EDNRA: variants seen among roughly 807,000 people sequenced by gnomAD.
EDNRA encodes endothelin-1 receptor.
In EDNRA, 11 loss-of-function variants were observed where a neutral mutation model predicts 41.4. That is an observed-to-expected ratio of 0.27 (90% CI 0.17 to 0.44). The LOEUF is 0.44. Among genes scored for constraint, EDNRA ranks in the 20% least tolerant of loss-of-function variants. EDNRA has a pLI of 1.00. For missense variants in EDNRA, 294 were observed against 531.0 expected (o/e 0.55, Z 4.39); for synonymous variants, 172 against 183.0 (o/e 0.94, Z 0.49).
rs1728959233 is a variant in EDNRA at position 147,486,735 on chromosome 4, C to A, written c.420+634C>A. Among the ~76,000 whole-genome samples, 1 of 152,054 alleles carries A rather than the reference C, an allele frequency of 6.6e-6. No individual in the cohort carries two copies. The highest frequency in any genetic ancestry group is 1.5e-5 in the Non-Finnish European group (1 of 68,008). ...TAAAATTTGCCTGCTTTACTGTGGT[C>A]TCCTTCATTTCTTCAGTCTGCATTT... On this transcript the variant is annotated intron_variant, in intron 2 of 7. Coordinates refer to ENST00000651419, the MANE Select transcript of EDNRA (RefSeq NM_001957.4). The surrounding 1 kb of genome is among the most constrained non-coding windows in gnomAD (Gnocchi z 4.3).
intron 3 of EDNRA, among the ~76,000 whole-genome samples, chr4:147,530,923 C>T (rs527741555): frequency 4.6e-5 from 7 of 152,168 alleles, no homozygotes; most frequent in South Asian, 4.2e-4. Flanking sequence ...AACTATAAAA[C>T]GAAAATGTTT....
In EDNRA at chr4:147,482,902, G is replaced by A. The variant is rs1418972064; in HGVS notation, c.-71+1526G>A. Among the ~76,000 whole-genome samples, 4 of 152,334 alleles carry A rather than the reference G, an allele frequency of 2.6e-5. No homozygotes were observed. In the South Asian group the frequency reaches 6.2e-4, roughly 24 times the overall value. On this transcript the variant is annotated intron_variant, in intron 1 of 7. Transcript: ENST00000651419. ...TTCACAGGTCAGTTCCCAGCCGACT[G>A]TAACCGGCAGAGAGCCATTCCATTT...
chr4:147,524,762 G>C (rs1730471744), intron 3 of EDNRA, among the ~76,000 whole-genome samples: 1 of 152,100 alleles, frequency 6.6e-6, no homozygotes, highest in African/African-American at 2.4e-5. Context: ...TTCAGGACTT[G>C]TATGTAGGGA....
At chr4:147,490,864 T>C (rs1485263669) in intron 2 of EDNRA, 1 of 152,132 alleles carries the variant, frequency 6.6e-6, no homozygotes, top group Admixed American at 6.6e-5. Flanking sequence ...CACACAGACA[T>C]TTCCATATAT....
At chr4:147,524,991 T>G (rs1434145616) in intron 3 of EDNRA, among the ~76,000 whole-genome samples, 4 of 152,240 alleles carry the variant, frequency 2.6e-5, no homozygotes, top group Non-Finnish European at 5.9e-5. Context: ...TGTGAATCCC[T>G]GCTTTCATTT....
intron 3 of EDNRA, among the ~76,000 whole-genome samples, chr4:147,527,295 C>T (rs11936340): frequency 0.36 from 55,170 of 151,846 alleles, 12,455 homozygotes; most frequent in African/African-American, 0.64. Context: ...AGCTTATAGG[C>T]GTCTTATTCA....
chr4:147,533,116 T>C (rs926638550), intron 4 of EDNRA, among the ~76,000 whole-genome samples: 30 of 152,328 alleles, frequency 2.0e-4, no homozygotes, highest in Middle Eastern at 3.4e-3. Context: ...GTTTATCTTA[T>C]GTCACTTGGG....
At position 147,532,534 on chromosome 4, in the gene EDNRA, G is replaced by A; in HGVS notation, c.577G>A (p.Val193Ile). 1 of 1,613,994 alleles carries A rather than the reference G, an allele frequency of 6.2e-7. No homozygotes were observed. The highest frequency in any genetic ancestry group is 8.5e-7 in the Non-Finnish European group (1 of 1,180,000). The change falls in exon 4 of 8, where the codon GTT becomes ATT. Residue 193 changes from valine (V) to isoleucine (I), a missense_variant. Val to Ile is a conservative substitution (Grantham distance 29). Transcript: ENST00000651419. ...RYRAVASWSR[V>I]QGIGIPLVTA... ...CAGAGCAGTTGCCTCCTGGAGTCGT[G>A]TTCAGGGAATTGGGATTCCTTTGGT...
In EDNRA at chr4:147,505,022, TA is replaced by T. The variant is rs57879754; in HGVS notation, c.421-14821del. Reference sequence around the variant, plus strand: ...ACAGAGAATTCTCAAAACTCAATGGTAAAAAAAATGAATAATCCAAATAGAA... The same window carrying T: ...ACAGAGAATTCTCAAAACTCAATGGTAAAAAAATGAATAATCCAAATAGAA... On this transcript the variant is annotated intron_variant, in intron 2 of 7. Coordinates refer to ENST00000651419, the MANE Select transcript of EDNRA (RefSeq NM_001957.4). Among the ~76,000 whole-genome samples the T allele has an allele frequency of 9.3e-5, 13 of 140,470 alleles. No homozygotes were observed. The East Asian group carries it at 2.3e-3, about 25-fold the overall frequency. The allele number at this position is 140,470 out of a possible 152,430, so 92.2% of individuals were successfully genotyped here. A position where few individuals can be genotyped will look rare whatever the true frequency, so the allele number is the denominator to read the frequency against.
At chr4:147,528,577 G>GC in intron 3 of EDNRA, among the ~76,000 whole-genome samples, 1 of 152,014 alleles carries the variant, frequency 6.6e-6, no homozygotes, top group East Asian at 1.9e-4. Context: ...TCAAGCGATC[G>GC]CCCCCCTCAG....
intron 3 of EDNRA, among the ~76,000 whole-genome samples, chr4:147,524,410 G>A (rs946387985): frequency 3.3e-5 from 5 of 151,788 alleles, no homozygotes; most frequent in Non-Finnish European, 7.4e-5. Context: ...TCTCATGCAT[G>A]AAGAAAAAGA....
At position 147,519,546 on chromosome 4, in the gene EDNRA, AAT is replaced by A. The variant is rs1378628299; in HGVS notation, c.421-298_421-297del. Among the ~76,000 whole-genome samples the A allele has an allele frequency of 6.0e-5, 9 of 148,920 alleles. No homozygotes were observed. Among genetic ancestry groups the A allele is most frequent in the Non-Finnish European group, 1.0e-4 (7 of 67,386 alleles). On this transcript the variant is annotated intron_variant, in intron 2 of 7. Transcript: ENST00000651419. The surrounding 1 kb of genome is among the most constrained non-coding windows in gnomAD (Gnocchi z 4.1). ...TGTATTATATAACTATAATATATTT[AAT>A]ATATATGTATTATATTAATACACTA...
At chr4:147,492,495 C>A (rs2126387430) in intron 2 of EDNRA, 1 of 152,266 alleles carries the variant, frequency 6.6e-6, no homozygotes, top group South Asian at 2.1e-4. Flanking sequence ...AGATGATTTT[C>A]CCCTTCCTTT....
chr4:147,517,746 G>C (rs1730165488), intron 2 of EDNRA, among the ~76,000 whole-genome samples: 1 of 152,114 alleles, frequency 6.6e-6, no homozygotes, highest in African/African-American at 2.4e-5. Context: ...GCTTCCCACT[G>C]ATTCCATGAT....
chr4:147,504,258 A>T (rs6819740), intron 2 of EDNRA, among the ~76,000 whole-genome samples: 63,309 of 152,092 alleles, frequency 0.42, 14,993 homozygotes, highest in African/African-American at 0.66. Context: ...CAATGTGTAA[A>T]GTGAAACCAT....
intron 2 of EDNRA, among the ~76,000 whole-genome samples, chr4:147,497,778 T>C (rs756111536): frequency 2.6e-5 from 4 of 152,142 alleles, no homozygotes; most frequent in African/African-American, 4.8e-5. Flanking sequence ...TTCACCGTGT[T>C]AGCCAGGACG....
At chr4:147,501,069 C>T (rs1006435461) in intron 2 of EDNRA, among the ~76,000 whole-genome samples, 1 of 152,170 alleles carries the variant, frequency 6.6e-6, no homozygotes, top group Non-Finnish European at 1.5e-5. Context: ...TGCAGTAGCT[C>T]CAGTGAACCC....
intron 3 of EDNRA, among the ~76,000 whole-genome samples, chr4:147,522,855 A>C (rs1201939305): frequency 1.3e-5 from 2 of 152,162 alleles, no homozygotes; most frequent in African/African-American, 4.8e-5. Context: ...AAGGTTGTTG[A>C]GTTACAGTTT....
At chr4:147,517,472 G>A (rs369588759) in intron 2 of EDNRA, among the ~76,000 whole-genome samples, 8 of 152,308 alleles carry the variant, frequency 5.3e-5, no homozygotes, top group South Asian at 4.1e-4. Flanking sequence ...AGAGGGGGAC[G>A]TTGCCTACAG....
Sources: gnomAD v4.1 joint callset for allele counts (sites outside exome capture counted in the v4.1 genomes callset) on GRCh38, gnomAD v4.1.1 for gene constraint, Gnocchi (gnomAD v3.1) non-coding constraint, MANE v1.5 for transcripts, NCBI Gene and HGNC (gene_info 2026-07-23, HGNC 2026-07-21) for gene names.